The following MYO16 variants were observed in gnomAD, a reference collection of about 807,000 sequenced individuals.
MYO16 encodes the protein unconventional myosin-XVI.
In MYO16, 94 loss-of-function variants were observed where a neutral mutation model predicts 205.3. The ratio of observed to expected loss-of-function variants is 0.46; its 90% confidence interval spans 0.39 to 0.54. The LOEUF (loss-of-function observed/expected upper bound fraction) is 0.54. MYO16 is among the 20% of genes least tolerant of loss of function. The pLI is 0.00. For synonymous variants in MYO16, 988 were observed against 954.0 expected (o/e 1.04, Z -0.66); for missense variants, 2,315 against 2,387.5 (o/e 0.97, Z 0.63).
At chr13:108,882,962 C>A (rs1054876999) in intron 12 of MYO16, 97 bp from the exon 13 acceptor site, 2 of 1,482,490 alleles carry the variant, frequency 1.3e-6, no homozygotes, top group Middle Eastern at 2.4e-4. Flanking sequence ...GATTCATTCA[C>A]TTCTGTATCT....
chr13:108,687,824 C>T (rs564741451), intron 2 of MYO16, among the ~76,000 whole-genome samples: 7 of 152,152 alleles, frequency 4.6e-5, no homozygotes, highest in Admixed American at 6.5e-5. Flanking sequence ...TTATCTAAAA[C>T]GAGGGAGGCA....
At chr13:108,854,479 A>C (rs940442277) in intron 10 of MYO16, among the ~76,000 whole-genome samples, 1 of 152,190 alleles carries the variant, frequency 6.6e-6, no homozygotes, top group Non-Finnish European at 1.5e-5. Context: ...AAGCAGAAAT[A>C]TTTATGTTCA....
At chr13:109,001,323 G>A (rs2139460829) in intron 21 of MYO16, among the ~76,000 whole-genome samples, 1 of 152,230 alleles carries the variant, frequency 6.6e-6, no homozygotes, top group African/African-American at 2.4e-5. Context: ...CACTTCCTGG[G>A]TGCTGACTGC....
At chr13:108,676,118 C>T (rs928083620) in intron 2 of MYO16, among the ~76,000 whole-genome samples, 11 of 151,864 alleles carry the variant, frequency 7.2e-5, no homozygotes, top group East Asian at 3.9e-4. Context: ...TGATCGTCAC[C>T]GTGAGTGTAA....
chr13:108,624,338 T>A (rs981820275), intron 1 of MYO16, among the ~76,000 whole-genome samples: 10 of 152,294 alleles, frequency 6.6e-5, no homozygotes, highest in African/African-American at 1.7e-4. Context: ...ATCTGCCTAT[T>A]CCTGGTAACT....
At chr13:109,020,147 C>G (rs1490686581) in intron 23 of MYO16, among the ~76,000 whole-genome samples, 2 of 152,110 alleles carry the variant, frequency 1.3e-5, no homozygotes, top group Non-Finnish European at 2.9e-5. Context: ...AGAATTATAA[C>G]TTTATATGAG....
Position 109,157,783 on chromosome 13 carries a change from A to G in MYO16, c.5165-7118A>G, listed in dbSNP as rs529061522. 2.0e-5 allele frequency among the ~76,000 whole-genome samples: 3 copies of G among 152,310 alleles called. No homozygotes were observed. The South Asian group carries it at 6.2e-4, about 32-fold the overall frequency. On this transcript the variant is annotated intron_variant, in intron 32 of 34. Transcript: ENST00000457511. ...TGAATAAAACCGTCAAAATTAGCTC[A>G]GCTGAGCAGGATGCGAGTCCCACAG... is the stretch of plus-strand genomic sequence containing the variant.
intron 16 of MYO16, among the ~76,000 whole-genome samples, chr13:108,927,995 C>G (rs1882086243): frequency 6.6e-6 from 1 of 152,272 alleles, no homozygotes. Context: ...CTGCCTGAAG[C>G]ACTAGGGTAA....
chr13:108,553,990 A>G, the MYO16 span, among the ~76,000 whole-genome samples: 4 of 152,144 alleles, frequency 2.6e-5, no homozygotes, highest in South Asian at 8.3e-4. Flanking sequence ...ATCCTCACCA[A>G]TGCACTCTGA....
chr13:109,177,229 G>A (rs140317294), intron 33 of MYO16, among the ~76,000 whole-genome samples: 43 of 152,250 alleles, frequency 2.8e-4, no homozygotes, highest in Non-Finnish European at 1.5e-4. Context: ...CCTGTTCAAC[G>A]TGACCTGTAC....
chr13:108,561,814 C>A, the MYO16 span, among the ~76,000 whole-genome samples: 1 of 152,102 alleles, frequency 6.6e-6, no homozygotes, highest in Non-Finnish European at 1.5e-5. Context: ...GTGAGTAAAT[C>A]AAATAAATTC....
chr13:108,807,594 T>C (rs889052114), intron 7 of MYO16, among the ~76,000 whole-genome samples: 55 of 152,176 alleles, frequency 3.6e-4, no homozygotes, highest in African/African-American at 1.3e-3. Context: ...TGATGGATTG[T>C]ATGTTTTTAG....
At chr13:109,204,647 G>A (rs1415743850) in intron 34 of MYO16, among the ~76,000 whole-genome samples, 1 of 152,186 alleles carries the variant, frequency 6.6e-6, no homozygotes, top group Non-Finnish European at 1.5e-5. Flanking sequence ...TTTGAGAATT[G>A]TCTACTCATG....
At position 108,726,213 on chromosome 13, in the gene MYO16, C is replaced by G. The variant is rs576507343; in HGVS notation, c.364-1227C>G. Reference sequence around the variant, plus strand: ...CTATTTAATAATAGGTTTTTAAAAACTAATTGTACTAATATGCATTTAGCA... The same window carrying G: ...CTATTTAATAATAGGTTTTTAAAAAGTAATTGTACTAATATGCATTTAGCA... On this transcript the variant is annotated intron_variant, in intron 3 of 34. Transcript: ENST00000457511. 2.6e-5 allele frequency among the ~76,000 whole-genome samples: 4 copies of G among 152,190 alleles called. No individual in the cohort carries two copies. In the South Asian group the frequency reaches 8.3e-4, roughly 32 times the overall value.
intron 21 of MYO16, among the ~76,000 whole-genome samples, chr13:108,992,921 A>G (rs1884885052): frequency 6.6e-6 from 1 of 152,190 alleles, no homozygotes; most frequent in Non-Finnish European, 1.5e-5. Flanking sequence ...GTTGTTTTTA[A>G]TCCATCTATA....
chr13:108,726,578 A>T (rs1483380788), intron 3 of MYO16, among the ~76,000 whole-genome samples: 1 of 151,754 alleles, frequency 6.6e-6, no homozygotes, highest in Non-Finnish European at 1.5e-5. Context: ...AAAAAGAAAA[A>T]GAAAAAGAAA....
chr13:109,022,224 A>G (rs1404211071), intron 23 of MYO16, among the ~76,000 whole-genome samples: 1 of 133,360 alleles, frequency 7.5e-6, no homozygotes, highest in Non-Finnish European at 1.5e-5. Flanking sequence ...ATATTTATAT[A>G]TTATATATAT....
Position 109,123,472 on chromosome 13 carries a change from G to A in MYO16, c.3536-1640G>A, listed in dbSNP as rs536187151. On this transcript the variant is annotated intron_variant, in intron 29 of 34. Coordinates refer to ENST00000457511, the MANE Select transcript of MYO16 (RefSeq NM_001198950.3). The stretch of plus-strand genomic sequence containing the variant: ...TTTTTTTAGTGTAACAAGAAAGAAC[G>A]AGTGAACAGGCCAATTTCAAGTCTT... 1.8e-4 allele frequency among the ~76,000 whole-genome samples: 28 copies of A among 152,052 alleles called. No homozygotes were observed. In the South Asian group the frequency reaches 2.5e-3, roughly 14 times the overall value.
intron 23 of MYO16, among the ~76,000 whole-genome samples, chr13:109,043,268 C>T (rs556612533): frequency 8.5e-5 from 13 of 152,264 alleles, no homozygotes; most frequent in African/African-American, 2.9e-4. Flanking sequence ...GCGTAGTCAT[C>T]GCCCTGAAGA....
Sources: allele counts gnomAD v4.1 joint callset (sites outside exome capture counted in the v4.1 genomes callset), GRCh38; gene constraint gnomAD v4.1.1; transcripts MANE v1.5; gene names NCBI Gene and HGNC (gene_info 2026-07-23, HGNC 2026-07-21).